The following TBC1D25 variants were observed in gnomAD, a reference collection of about 807,000 sequenced individuals.
TBC1D25 encodes 5SN3 snoRNA.
Under a neutral mutation model 38.8 loss-of-function variants are expected in TBC1D25, and 13 were observed. The ratio of observed to expected loss-of-function variants is 0.34; its 90% CI spans 0.22 to 0.53. The LOEUF (loss-of-function observed/expected upper bound fraction) is 0.53, where lower values mean the gene tolerates loss of function less well. Among genes scored for constraint, TBC1D25 ranks in the 20% least tolerant of loss-of-function variants. The pLI is 0.94. For missense variants in TBC1D25, 372 were observed against 600.0 expected (o/e 0.62, Z 3.97); for synonymous variants, 225 against 255.6 (o/e 0.88, Z 1.14).
intron 3 of TBC1D25, among the ~76,000 whole-genome samples, chrX:48,548,811 G>A (rs1556982519): frequency 1.8e-5 from 2 of 111,788 alleles, no homozygotes; most frequent in South Asian, 3.6e-4. Flanking sequence ...ACACATAAAC[G>A]GTATGTGTTT....
intron 3 of TBC1D25, among the ~76,000 whole-genome samples, chrX:48,549,361 C>CA (rs1199972639): frequency 8.9e-6 from 1 of 112,598 alleles, no homozygotes; most frequent in African/African-American, 3.2e-5. Context: ...ATCATAGGTA[C>CA]TGCAAATATT....
chrX:48,554,200 G>T (rs2061958461), intron 3 of TBC1D25, among the ~76,000 whole-genome samples: 1 of 106,975 alleles, frequency 9.3e-6, no homozygotes, highest in Non-Finnish European at 1.9e-5. Flanking sequence ...AAATTGCTGG[G>T]ATTACAGGCA....
rs2061821998 is a variant in TBC1D25, at chrX:48,539,721, C to A, written c.-77C>A. ...TGCGCCCCGGCACGAGGTGGGGCGG[C>A]GGGCGTCAGTACAGTAGAGTGTGCG... On this transcript the variant is annotated 5_prime_UTR_variant, in exon 1 of 6. Coordinates refer to ENST00000376771, the MANE Select transcript of TBC1D25 (RefSeq NM_002536.4). The A allele has an allele frequency of 2.1e-6, 2 of 930,857 alleles. No homozygotes were observed. The highest frequency in any genetic ancestry group is 2.7e-6 in the Non-Finnish European group (2 of 751,219). 76.7% of individuals were successfully genotyped at this position (930,857 alleles called of 1,213,427 possible). A position where few individuals can be genotyped will look rare whatever the true frequency, so the allele number is the denominator to read the frequency against.
chrX:48,539,748 C>A lies in TBC1D25; in HGVS notation c.-50C>A. On this transcript the variant is annotated 5_prime_UTR_variant, in exon 1 of 6. Coordinates refer to ENST00000376771, the MANE Select transcript of TBC1D25 (RefSeq NM_002536.4). ...GGCGTCAGTACAGTAGAGTGTGCGC[C>A]GGGGTGGGGGGCAACGGTCAGCCGT... 1 of 935,743 alleles carries A rather than the reference C, an allele frequency of 1.1e-6. No individual in the cohort carries two copies. Among genetic ancestry groups the A allele is most frequent in the Non-Finnish European group, 1.3e-6 (1 of 755,190 alleles). The allele number at this position is 935,743 out of a possible 1,213,427, so 77.1% of individuals were successfully genotyped here.
chrX:48,542,553 T>TG (rs1468647653), intron 2 of TBC1D25, among the ~76,000 whole-genome samples: 1 of 104,223 alleles, frequency 9.6e-6, no homozygotes, highest in East Asian at 3.0e-4. Flanking sequence ...AGTGGTCCGA[T>TG]GTTGGCTCAT....
At chrX:48,545,090 C>T in intron 3 of TBC1D25, 67 bp downstream of exon 3, 1 of 1,156,605 alleles carries the variant, frequency 8.6e-7, no homozygotes, top group Non-Finnish European at 1.2e-6. Context: ...GATGCTACCC[C>T]TCACAGTACA....
At chrX:48,549,992 ATT>A (rs80320486) in intron 3 of TBC1D25, among the ~76,000 whole-genome samples, 31,599 of 106,250 alleles carry the variant, frequency 0.3, 3,790 homozygotes, top group East Asian at 0.44. Flanking sequence ...TTTTAATTTA[ATT>A]TTTTTTTTTG....
intron 3 of TBC1D25, among the ~76,000 whole-genome samples, chrX:48,556,463 C>T (rs1363134880): frequency 1.8e-5 from 2 of 111,312 alleles, no homozygotes; most frequent in Non-Finnish European, 3.8e-5. Flanking sequence ...GAGTTTCTTA[C>T]ATCTTCCTTT....
At chrX:48,540,538 G>A (rs1007250964) in intron 1 of TBC1D25, among the ~76,000 whole-genome samples, 37 of 112,030 alleles carry the variant, frequency 3.3e-4, no homozygotes, top group African/African-American at 1.2e-3. Flanking sequence ...GCAAAGACTA[G>A]AGGATGGGAA....
At chrX:48,545,466 A>C (rs1271190905) in intron 3 of TBC1D25, among the ~76,000 whole-genome samples, 1 of 112,351 alleles carries the variant, frequency 8.9e-6, no homozygotes, top group African/African-American at 3.2e-5. Context: ...TGCGTATTAT[A>C]ATAATGCTAG....
At chrX:48,550,479 ATT>A (rs1369539825) in intron 3 of TBC1D25, among the ~76,000 whole-genome samples, 4 of 101,166 alleles carry the variant, frequency 4.0e-5, no homozygotes, top group Admixed American at 1.1e-4. Context: ...TTGTGGTCAA[ATT>A]TTTTTTTTTT....
At chrX:48,549,691 G>A (rs1449660063) in intron 3 of TBC1D25, among the ~76,000 whole-genome samples, 1 of 111,356 alleles carries the variant, frequency 9.0e-6, no homozygotes, top group Admixed American at 9.6e-5. Flanking sequence ...AGTAGAGATG[G>A]AGTTTCACCA....
At chrX:48,540,086 T>G (rs1026995743) in intron 1 of TBC1D25, among the ~76,000 whole-genome samples, 166 bp downstream of exon 1, 2 of 110,429 alleles carry the variant, frequency 1.8e-5, no homozygotes, top group East Asian at 5.8e-4. Context: ...CCTGAGAGCC[T>G]GAGAGCGTTA....
At chrX:48,556,938 A>G (rs2061980534) in intron 3 of TBC1D25, among the ~76,000 whole-genome samples, 2 of 109,817 alleles carry the variant, frequency 1.8e-5, no homozygotes, top group African/African-American at 3.3e-5. Context: ...ATGAAAAAGA[A>G]AGAGAAACGG....
chrX:48,549,721 G>A lies in TBC1D25; in HGVS notation c.388+4698G>A, dbSNP rs986702866. On this transcript the variant is annotated intron_variant, in intron 3 of 5. Transcript: ENST00000376771. Reference sequence around the variant, plus strand: ...TCACCATGTTGGTCAGGCTGGTATCGAATTCCTGATCTCAAGTGATCCACC... The same window carrying A: ...TCACCATGTTGGTCAGGCTGGTATCAAATTCCTGATCTCAAGTGATCCACC... 5.7e-4 allele frequency among the ~76,000 whole-genome samples: 64 copies of A among 111,967 alleles called. 1 individual carries two copies. The highest frequency in any genetic ancestry group is 1.7e-3 in the African/African-American group (53 of 30,864).
intron 3 of TBC1D25, 25 bp downstream of exon 3, chrX:48,545,048 C>T (rs782225707): frequency 5.0e-6 from 6 of 1,205,414 alleles, no homozygotes. Flanking sequence ...CCCCCAGGAG[C>T]ACTGCTCTGG....
At chrX:48,552,472 C>T (rs1409401779) in intron 3 of TBC1D25, among the ~76,000 whole-genome samples, 4 of 109,850 alleles carry the variant, frequency 3.6e-5, no homozygotes, top group African/African-American at 1.3e-4. Flanking sequence ...CTCCCTCAGC[C>T]TCCCGAGTAG....
At chrX:48,550,348 A>C (rs1055733021) in intron 3 of TBC1D25, among the ~76,000 whole-genome samples, 2 of 112,244 alleles carry the variant, frequency 1.8e-5, no homozygotes, top group Non-Finnish European at 3.8e-5. Flanking sequence ...CACGTTTGTC[A>C]CATATTCAGT....
chrX:48,546,127 C>T (rs782784109), intron 3 of TBC1D25, among the ~76,000 whole-genome samples: 10 of 101,718 alleles, frequency 9.8e-5, no homozygotes, highest in Non-Finnish European at 1.4e-4. Context: ...GCATGAGAAT[C>T]GCTTGAACCC....
Sources: gnomAD v4.1 joint callset for allele counts (sites outside exome capture counted in the v4.1 genomes callset) on GRCh38, gnomAD v4.1.1 for gene constraint, MANE v1.5 for transcripts, NCBI Gene and HGNC (gene_info 2026-07-23, HGNC 2026-07-21) for gene names.